Variants in LMTK2 observed in about 807,000 individuals in gnomAD.
The protein encoded by LMTK2 is lemur tail kinase 2, also known as serine/threonine-protein kinase LMTK2.
A neutral mutation model predicts 127.5 loss-of-function variants in LMTK2; 37 were observed. That is an observed-to-expected ratio of 0.29 (90% confidence interval 0.22 to 0.38). LMTK2 has a LOEUF of 0.38. Among genes scored for constraint, LMTK2 ranks in the 10% least tolerant of loss-of-function variants. The probability of loss-of-function intolerance (pLI) is 1.00; values close to 1 mark genes in which losing one functional copy is unlikely to be tolerated. For synonymous variants in LMTK2, 819 were observed against 810.1 expected (o/e 1.01, Z -0.19); for missense variants, 1,694 against 1,920.3 (o/e 0.88, Z 2.20).
intron 1 of LMTK2, among the ~76,000 whole-genome samples, chr7:98,107,846 G>C (rs1796137991): frequency 6.6e-6 from 1 of 152,216 alleles, no homozygotes; most frequent in African/African-American, 2.4e-5. Flanking sequence ...AGTGATTAGA[G>C]TAGCAGGCGT....
Position 98,181,700 on chromosome 7 carries a change from C to T in LMTK2, c.792-3351C>T, listed in dbSNP as rs1438039213. ...CTTGAGATGGAGCCTCGCTCTGTTG[C>T]CAGGCTGGAGTGCAGTGGCACGATC... On this transcript the variant is annotated intron_variant, in intron 7 of 13. Transcript: ENST00000297293. Among the ~76,000 whole-genome samples, 3 of 152,122 alleles carry T rather than the reference C, an allele frequency of 2.0e-5. No homozygotes were observed. The East Asian group carries it at 5.8e-4, about 29-fold the overall frequency.
intron 11 of LMTK2, among the ~76,000 whole-genome samples, chr7:98,201,251 A>C (rs1562924486): frequency 6.6e-6 from 1 of 152,160 alleles, no homozygotes; most frequent in Non-Finnish European, 1.5e-5. Flanking sequence ...AGTCACTCAG[A>C]TCATTCTTCT....
intron 2 of LMTK2, among the ~76,000 whole-genome samples, chr7:98,140,126 CTTTCTTTCTTTCTTTCT>C (rs1319377956): frequency 1.7e-4 from 2 of 12,050 alleles, no homozygotes; most frequent in Admixed American, 8.2e-4. Context: ...TTCTTTCTTT[CTTTCTTTCTTTCTTTCT>C]TTTCTTTTCT....
At chr7:98,198,636 G>A (rs559425907) in intron 11 of LMTK2, among the ~76,000 whole-genome samples, 4 of 152,188 alleles carry the variant, frequency 2.6e-5, no homozygotes, top group Non-Finnish European at 5.9e-5. Context: ...GACCACAGGC[G>A]CCCACCACCG....
intron 1 of LMTK2, among the ~76,000 whole-genome samples, chr7:98,116,233 A>C (rs1168551189): frequency 6.6e-6 from 1 of 152,144 alleles, no homozygotes; most frequent in Non-Finnish European, 1.5e-5. Flanking sequence ...CCTAGTTTGC[A>C]AGGACCGTGT....
rs771058238 is a variant in LMTK2, at chr7:98,171,589, G to T, written c.706G>T (p.Asp236Tyr). The T allele has an allele frequency of 1.2e-5, 19 of 1,613,310 alleles. No individual in the cohort carries two copies. Among genetic ancestry groups the T allele is most frequent in the African/African-American group, 2.7e-5 (2 of 74,920 alleles). Residue 236 changes from aspartate (D) to tyrosine (Y), a missense_variant, in exon 7 of 14, where the codon GAC becomes TAC. This residue lies in a region of LMTK2 where 203 missense variants were observed against 226.2 expected (regional missense o/e 0.90). Coordinates refer to ENST00000297293, the MANE Select transcript of LMTK2 (RefSeq NM_014916.4). The surrounding 1 kb of genome is among the most constrained non-coding windows in gnomAD (Gnocchi z 5.1). ...CAGCGAGCAGGAGCACATGCGGGGG[G>T]ACTCACAGACCATGCTGCTGCAGAG... ...LRSEQEHMRG[D>Y]SQTMLLQRMA...
intron 1 of LMTK2, among the ~76,000 whole-genome samples, chr7:98,130,176 A>G (rs1324497797): frequency 6.6e-6 from 1 of 151,888 alleles, no homozygotes; most frequent in African/African-American, 2.4e-5. Flanking sequence ...CATAGTAGAG[A>G]GCTGGCGGGG....
chr7:98,185,616 CTG>C (rs1432338718), intron 8 of LMTK2, among the ~76,000 whole-genome samples: 1 of 152,048 alleles, frequency 6.6e-6, no homozygotes, highest in Non-Finnish European at 1.5e-5. Context: ...TTGTGTGTGT[CTG>C]TGTAGCCCCA....
chr7:98,185,899 ATCTGT>A (rs1242410029), intron 8 of LMTK2, among the ~76,000 whole-genome samples: 1 of 151,808 alleles, frequency 6.6e-6, no homozygotes, highest in Non-Finnish European at 1.5e-5. Flanking sequence ...TACGGATAAG[ATCTGT>A]TCTGTTTTTC....
intron 3 of LMTK2, among the ~76,000 whole-genome samples, chr7:98,151,166 C>A (rs140306228): frequency 3.3e-5 from 5 of 152,022 alleles, no homozygotes; most frequent in Admixed American, 2.0e-4. Flanking sequence ...AAAAACAATG[C>A]GCAAGGTATT....
In LMTK2 at chr7:98,193,165, C is replaced by T. The variant is rs1162124768; in HGVS notation, c.2700C>T (p.Asp900=). 12 of 1,613,610 alleles carry T rather than the reference C, an allele frequency of 7.4e-6. No individual in the cohort carries two copies. The highest frequency in any genetic ancestry group is 3.3e-5 in the Admixed American group (2 of 60,010). The part of the protein sequence containing the change: ...SEETLRLTES[D]SVLADDILAS... ...AGACCCTGCGACTCACCGAAAGTGACTCTGTTCTTGCTGATGACATCCTTG... is the reference window on the plus strand; with the variant it reads ...AGACCCTGCGACTCACCGAAAGTGATTCTGTTCTTGCTGATGACATCCTTG... Residue 900 remains aspartate, a synonymous_variant, in exon 11 of 14, where the codon GAC becomes GAT. Transcript: ENST00000297293. The surrounding 1 kb of genome is among the most constrained non-coding windows in gnomAD (Gnocchi z 4.1).
At chr7:98,168,462 G>A (rs1169967692) in intron 6 of LMTK2, among the ~76,000 whole-genome samples, 3 of 152,212 alleles carry the variant, frequency 2.0e-5, no homozygotes, top group Non-Finnish European at 4.4e-5. Flanking sequence ...TAGCAGAAGC[G>A]GGGGTGTTGC....
intron 1 of LMTK2, among the ~76,000 whole-genome samples, chr7:98,116,383 T>A (rs1387524529): frequency 7.3e-6 from 1 of 136,702 alleles, no homozygotes; most frequent in Non-Finnish European, 1.6e-5. Flanking sequence ...AGTACCTCAG[T>A]GTGTGTCTGT....
chr7:98,192,513 G>A lies in LMTK2; in HGVS notation c.2048G>A (p.Gly683Asp), dbSNP rs1797546313. ...LDNPKESVITGHFEKEKPRKI... is the reference protein window; with the variant it reads ...LDNPKESVITDHFEKEKPRKI... ...AACCCCAAAGAGTCAGTCATAACAG[G>A]CCACTTTGAGAAAGAAAAGCCCCGT... is the stretch of plus-strand genomic sequence containing the variant. Residue 683 changes from glycine (G) to aspartate (D), a missense_variant, in exon 11 of 14, where the codon GGC (glycine) becomes GAC (aspartate). Physicochemically the swap from Gly to Asp is moderately conservative, Grantham distance 94. Transcript: ENST00000297293. The A allele has an allele frequency of 1.2e-6, 2 of 1,610,540 alleles. No individual in the cohort carries two copies. Among genetic ancestry groups the A allele is most frequent in the Non-Finnish European group, 1.7e-6 (2 of 1,179,260 alleles).
chr7:98,140,594 A>G (rs979980686), intron 2 of LMTK2, among the ~76,000 whole-genome samples: 3 of 151,978 alleles, frequency 2.0e-5, no homozygotes, highest in Non-Finnish European at 2.9e-5. Context: ...TAATGTTTCC[A>G]TTGTTACTCT....
In LMTK2 at chr7:98,107,279, A is replaced by G. The variant is rs1415988669; in HGVS notation, c.102A>G (p.Ala34=). ...AGAAPLPQTG[A]GEAPPAAEVS... Reference sequence around the variant, plus strand: ...CCGCGCCACTTCCGCAAACAGGTGCAGGTGAGCGGGCCCGCGGCGGGGACG... The same window carrying G: ...CCGCGCCACTTCCGCAAACAGGTGCGGGTGAGCGGGCCCGCGGCGGGGACG... Residue 34 remains alanine, a splice_region_variant and synonymous_variant, in exon 1 of 14, where the codon GCA becomes GCG. Coordinates refer to ENST00000297293, the MANE Select transcript of LMTK2 (RefSeq NM_014916.4). 2.2e-5 allele frequency: 30 copies of G among 1,349,356 alleles called. No individual in the cohort carries two copies. Among genetic ancestry groups the G allele is most frequent in the Admixed American group, 7.4e-5 (2 of 26,918 alleles). The allele number at this position is 1,349,356 out of a possible 1,614,324, so 83.6% of individuals were successfully genotyped here.
intron 1 of LMTK2, among the ~76,000 whole-genome samples, chr7:98,135,409 C>CT (rs1796582936): frequency 6.6e-6 from 1 of 152,096 alleles, no homozygotes; most frequent in Non-Finnish European, 1.5e-5. Context: ...TCCTCCTGGG[C>CT]TGAAGCCATC....
At chr7:98,134,453 T>A (rs926774906) in intron 1 of LMTK2, among the ~76,000 whole-genome samples, 1 of 152,202 alleles carries the variant, frequency 6.6e-6, no homozygotes, top group Non-Finnish European at 1.5e-5. Context: ...GTGAAAGCGC[T>A]TTGCTTTCCT....
intron 5 of LMTK2, among the ~76,000 whole-genome samples, chr7:98,157,297 GTAGA>G (rs1248552310): frequency 8.0e-6 from 1 of 125,026 alleles, no homozygotes; most frequent in Non-Finnish European, 1.7e-5. Context: ...AGGTAGGTAG[GTAGA>G]TTATAGATAG....
Sources: gnomAD v4.1 joint callset for allele counts (sites outside exome capture counted in the v4.1 genomes callset) on GRCh38, gnomAD v4.1.1 for gene constraint, gnomAD v4.1.1 regional missense constraint, Gnocchi (gnomAD v3.1) non-coding constraint, MANE v1.5 for transcripts, NCBI Gene and HGNC (gene_info 2026-07-23, HGNC 2026-07-21) for gene names.